The following PHLDB1 variants were observed in gnomAD, a reference collection of about 807,000 sequenced individuals.
The protein encoded by PHLDB1 is pleckstrin homology like domain family B member 1.
Under a neutral mutation model 139.3 loss-of-function variants are expected in PHLDB1, and 65 were observed. That is an observed-to-expected ratio of 0.47 (90% CI 0.38 to 0.57). The LOEUF (loss-of-function observed/expected upper bound fraction) is 0.57. Among genes scored for constraint, PHLDB1 ranks in the 20% least tolerant of loss-of-function variants. PHLDB1 has a pLI of 0.00. For missense variants in PHLDB1, 1,624 were observed against 1,839.7 expected, an observed-to-expected ratio of 0.88 and a Z score of 2.14; for synonymous variants, 679 against 734.5, an observed-to-expected ratio of 0.92 and a Z score of 1.22.
intron 5 of PHLDB1, 184 bp from the exon 6 acceptor site, chr11:118,627,121 C>A: frequency 1.7e-6 from 1 of 605,352 alleles, no homozygotes; most frequent in Admixed American, 3.1e-5. Context: ...AAACTGAGGA[C>A]AAGTGACTTG....
At chr11:118,636,455 C>T (rs529073629) in intron 10 of PHLDB1, among the ~76,000 whole-genome samples, 5 of 152,280 alleles carry the variant, frequency 3.3e-5, no homozygotes, top group Non-Finnish European at 5.9e-5. Flanking sequence ...GTCTTACAAA[C>T]GCACTTTCTG....
At chr11:118,633,119 T>A (rs1945075104) in intron 9 of PHLDB1, 1 of 152,330 alleles carries the variant, frequency 6.6e-6, no homozygotes, top group South Asian at 2.1e-4. Context: ...ACTTGGGCTT[T>A]CCGCATGCCC....
chr11:118,639,085 G>C, intron 11 of PHLDB1, 77 bp from the exon 12 acceptor site: 1 of 1,539,902 alleles, frequency 6.5e-7, no homozygotes. Flanking sequence ...TAAATGTGCT[G>C]GGGTGGAGCA....
chr11:118,625,034 T>A lies in PHLDB1; in HGVS notation c.456T>A (p.Pro152=), dbSNP rs11216931. Residue 152 remains proline (P), a synonymous_variant, in exon 5 of 23, where the codon CCT becomes CCA. Coordinates refer to ENST00000600882, the MANE Select transcript of PHLDB1 (RefSeq NM_001144758.3). ...KSMIPAGGRA[P]GPPYSPVPAE... ...TGATTCCAGCAGGGGGCCGAGCCCC[T>A]GGGCCCCCCTACAGCCCTGTTCCTG... 1 of 1,612,160 alleles carries A rather than the reference T, an allele frequency of 6.2e-7. No homozygotes were observed. Among genetic ancestry groups the A allele is most frequent in the South Asian group, 1.1e-5 (1 of 90,772 alleles).
chr11:118,614,506 G>A, intron 2 of PHLDB1, 53 bp from the exon 3 acceptor site: 1 of 1,603,630 alleles, frequency 6.2e-7, no homozygotes, highest in African/African-American at 1.3e-5. Flanking sequence ...CTGGTTTAGG[G>A]TGGTAAGGTG....
intron 20 of PHLDB1, chr11:118,653,121 G>A (rs536617155): frequency 2.0e-5 from 3 of 152,678 alleles, no homozygotes; most frequent in African/African-American, 4.8e-5. Flanking sequence ...GTAAGGAAGC[G>A]GAGGCAGGAG....
Position 118,632,812 on chromosome 11 carries a change from G to A in PHLDB1, c.2379+516G>A, listed in dbSNP as rs551322161. The A allele has an allele frequency of 1.1e-5, 11 of 981,662 alleles. No homozygotes were observed. The highest frequency in any genetic ancestry group is 8.8e-5 in the African/African-American group (5 of 57,096). The allele number at this position is 981,662 out of a possible 1,614,324, so 60.8% of individuals were successfully genotyped here. ...CCTGCCCCTGCCCCTTTCAGATTTC[G>A]TGCCAGCCTGCAGGGGCCACTCCCA... On this transcript the variant is annotated intron_variant, in intron 9 of 22. Transcript: ENST00000600882. This position sits in a 1 kb window ranked among gnomAD's most constrained non-coding sequence, Gnocchi z 5.9.
At chr11:118,628,762 A>C (rs1229728517) in intron 6 of PHLDB1, 112 bp downstream of exon 6, 13 of 942,720 alleles carry the variant, frequency 1.4e-5, no homozygotes, top group Non-Finnish European at 1.9e-5. Context: ...TCGGCTTCTC[A>C]AGGTTCCCCA....
intron 12 of PHLDB1, 71 bp from the exon 13 acceptor site, chr11:118,642,183 C>T: frequency 7.1e-7 from 1 of 1,415,864 alleles, no homozygotes; most frequent in African/African-American, 1.4e-5. Flanking sequence ...TTTCCTTTCC[C>T]TTTATTTCCT....
intron 15 of PHLDB1, chr11:118,644,442 G>A (rs563319792): frequency 4.3e-5 from 22 of 509,462 alleles, no homozygotes; most frequent in African/African-American, 1.9e-4. Context: ...GACCTGAGTC[G>A]GGTTAGACAT....
rs536230939 is a variant in PHLDB1 at position 118,607,901 on chromosome 11, G to A, written c.-22+202G>A. On this transcript the variant is annotated intron_variant, in intron 1 of 22. Coordinates refer to ENST00000600882, the MANE Select transcript of PHLDB1 (RefSeq NM_001144758.3). ...AGCGTTATGGGGAGTTTTCCTGTGA[G>A]CCTCTTGCTTTTGCCTTCCTCGGCC... Among the ~76,000 whole-genome samples, 35 of 152,230 alleles carry A rather than the reference G, an allele frequency of 2.3e-4. No individual in the cohort carries two copies. In the South Asian group the frequency reaches 7.0e-3, roughly 31 times the overall value.
At position 118,624,995 on chromosome 11, in the gene PHLDB1, G is replaced by A. The variant is rs782482481; in HGVS notation, c.417G>A (p.Lys139=). The A allele has an allele frequency of 1.2e-6, 2 of 1,614,078 alleles. No individual in the cohort carries two copies. The highest frequency in any genetic ancestry group is 1.1e-5 in the South Asian group (1 of 91,074). The change falls in exon 5 of 23, where the codon AAG becomes AAA. Residue 139 remains lysine, a synonymous_variant. Transcript: ENST00000600882. ...GCTTTAACCACCCGGCTGAAGCCAA[G>A]TGGATGAAAAGCATGATTCCAGCAG... ...FLRFNHPAEA[K]WMKSMIPAGG...
Position 118,650,466 on chromosome 11 carries a change from A to C in PHLDB1, c.3793A>C (p.Lys1265Gln). The change falls in exon 20 of 23, where the codon AAG (lysine) becomes CAG (glutamine). Residue 1265 changes from lysine to glutamine, a missense_variant. Transcript: ENST00000600882. This position sits in a 1 kb window ranked among gnomAD's most constrained non-coding sequence, Gnocchi z 4.7. ...CCAGGTCTGCCGTGGCTACTTGGTC[A>C]AGATGGGCGGCAAGATTAAATCATG... ...SSKVCRGYLV[K>Q]MGGKIKSWKK... is the part of the protein sequence containing the mutation. 2 of 1,614,056 alleles carry C rather than the reference A, an allele frequency of 1.2e-6. No individual in the cohort carries two copies. The highest frequency in any genetic ancestry group is 1.7e-5 in the Admixed American group (1 of 60,026).
intron 6 of PHLDB1, among the ~76,000 whole-genome samples, chr11:118,630,916 G>C (rs980581357): frequency 1.3e-5 from 2 of 151,090 alleles, no homozygotes; most frequent in South Asian, 4.2e-4. Context: ...ACTGAAAAAA[G>C]AAAGGAACAG....
intron 6 of PHLDB1, chr11:118,629,921 G>A (rs1944496480): frequency 1.0e-6 from 1 of 975,786 alleles, no homozygotes; most frequent in South Asian, 1.4e-5. Flanking sequence ...TTAAGTCTTG[G>A]AGGCTGCCCG....
At chr11:118,631,532 G>GCAGAGGAGGCTGGTGTATC in intron 7 of PHLDB1, 53 bp downstream of exon 7, 1 of 1,380,862 alleles carries the variant, frequency 7.2e-7, no homozygotes, top group African/African-American at 1.5e-5. Context: ...CCTGCTGGGG[G>GCAGAGGAGGCTGGTGTATC]CAGAGGAGGC....
intron 12 of PHLDB1, chr11:118,641,899 T>A: frequency 4.0e-6 from 3 of 749,874 alleles, no homozygotes; most frequent in Non-Finnish European, 5.8e-6. Context: ...GAGTGCCCAG[T>A]GCCTGCAGGC....
At chr11:118,647,886 G>T (rs572333453) in intron 17 of PHLDB1, 44 bp from the exon 18 acceptor site, 3 of 1,542,574 alleles carry the variant, frequency 1.9e-6, no homozygotes, top group African/African-American at 1.4e-5. Context: ...CCAGTGGGGG[G>T]AAGAGGATGG....
At chr11:118,647,745 GTCATGC>G (rs1947745875) in intron 17 of PHLDB1, 179 bp from the exon 18 acceptor site, 1 of 602,292 alleles carries the variant, frequency 1.7e-6, no homozygotes, top group Admixed American at 3.0e-5. Context: ...AGTCAGGACA[GTCATGC>G]TTAAAGCATT....
Sources: allele counts gnomAD v4.1 joint callset (sites outside exome capture counted in the v4.1 genomes callset), GRCh38; gene constraint gnomAD v4.1.1; non-coding constraint Gnocchi (gnomAD v3.1); transcripts MANE v1.5; gene names NCBI Gene and HGNC (gene_info 2026-07-23, HGNC 2026-07-21).